Variants in USP31 observed in about 807,000 individuals in gnomAD.
USP31 encodes ubiquitin carboxyl-terminal hydrolase 31.
A neutral mutation model predicts 119.4 loss-of-function variants in USP31; 44 were observed. The ratio of observed to expected loss-of-function variants is 0.37; its 90% CI spans 0.29 to 0.47. USP31 has a LOEUF of 0.47. Ranked by LOEUF, USP31 falls within the 20% of genes least tolerant of loss-of-function variation. The probability of loss-of-function intolerance (pLI) is 0.99; values close to 1 mark genes in which losing one functional copy is unlikely to be tolerated. For missense variants in USP31, 1,643 were observed against 1,730.2 expected (o/e 0.95, Z 0.89); for synonymous variants, 749 against 705.6 (o/e 1.06, Z -0.97).
intron 4 of USP31, 22 bp from the exon 5 acceptor site, chr16:23,105,598 C>T: frequency 6.5e-7 from 1 of 1,529,944 alleles, no homozygotes; most frequent in Non-Finnish European, 8.8e-7. Context: ...AAAGTCAGAT[C>T]TTCTCATTAG....
chr16:23,093,965 G>C lies in USP31; in HGVS notation c.1235-3161C>G, dbSNP rs570378738. Among the ~76,000 whole-genome samples the C allele has an allele frequency of 5.3e-5, 8 of 152,346 alleles. No homozygotes were observed. The East Asian group carries it at 1.5e-3, about 29-fold the overall frequency. On this transcript the variant is annotated intron_variant, in intron 6 of 15. Coordinates refer to ENST00000219689, the MANE Select transcript of USP31 (RefSeq NM_020718.4). Reference sequence around the variant, plus strand: ...ATGGGTGATTTCTGCGTTTCCAACTGAGGTACCTGGTTCATCTCATTGGGA... The same window carrying C: ...ATGGGTGATTTCTGCGTTTCCAACTCAGGTACCTGGTTCATCTCATTGGGA...
intron 1 of USP31, among the ~76,000 whole-genome samples, chr16:23,114,192 G>C (rs1902414652): frequency 6.6e-6 from 1 of 152,154 alleles, no homozygotes; most frequent in Non-Finnish European, 1.5e-5. Flanking sequence ...TTAAACAGAA[G>C]GTCGGTAGGA....
At position 23,109,212 on chromosome 16, in the gene USP31, C is replaced by A. The variant is rs115752582; in HGVS notation, c.634-1029G>T. 9.0e-3 allele frequency among the ~76,000 whole-genome samples: 1,376 copies of A among 152,276 alleles called. 30 individuals are homozygous for A. The highest frequency in any genetic ancestry group is 0.031 in the African/African-American group (1,281 of 41,552). Reference sequence around the variant, plus strand: ...ACTGAAAGGCGAAGAAGTAGTGACACCCCAGTAACAACGTGCACATCCAGT... The same window carrying A: ...ACTGAAAGGCGAAGAAGTAGTGACAACCCAGTAACAACGTGCACATCCAGT... On this transcript the variant is annotated intron_variant, in intron 1 of 15. Transcript: ENST00000219689.
intron 1 of USP31, among the ~76,000 whole-genome samples, chr16:23,108,856 CT>C (rs1158072790): frequency 6.6e-6 from 1 of 152,138 alleles, no homozygotes; most frequent in Non-Finnish European, 1.5e-5. Context: ...ATTTACATTG[CT>C]TTTGCTAAAA....
chr16:23,071,997 G>A (rs747434007), intron 15 of USP31, 48 bp downstream of exon 15: 6 of 1,578,944 alleles, frequency 3.8e-6, no homozygotes, highest in Non-Finnish European at 5.2e-6. Flanking sequence ...ACTCTGCTGT[G>A]TCTGTGAGTT....
chr16:23,072,089 A>G lies in USP31; in HGVS notation c.2444T>C (p.Leu815Pro). ...ASSRRTSLASLSESVEMTGER... is the reference protein window; with the variant it reads ...ASSRRTSLASPSESVEMTGER... ...TCCAGTCATCTCCACGGACTCAGAG[A>G]GCGACGCCAGGGAGGTGCGTCTGGA... The change falls in exon 15 of 16, where the codon CTC (leucine) becomes CCC (proline). Residue 815 changes from leucine (L) to proline (P), a missense_variant. Coordinates refer to ENST00000219689, the MANE Select transcript of USP31 (RefSeq NM_020718.4). 2 of 1,613,750 alleles carry G rather than the reference A, an allele frequency of 1.2e-6. No individual in the cohort carries two copies. The highest frequency in any genetic ancestry group is 1.1e-5 in the South Asian group (1 of 91,074).
In USP31 at chr16:23,143,588, G is replaced by T. The variant is rs115454663; in HGVS notation, c.633+5050C>A. Reference sequence around the variant, plus strand: ...GGAGAAAGAGAGAGGGAGAGGTTGGGGGGGGGGAGAGAGAGAGAAAGAGAG... The same window carrying T: ...GGAGAAAGAGAGAGGGAGAGGTTGGTGGGGGGGAGAGAGAGAGAAAGAGAG... On this transcript the variant is annotated intron_variant, in intron 1 of 15. Transcript: ENST00000219689. Among the ~76,000 whole-genome samples, 767 of 151,106 alleles carry T rather than the reference G, an allele frequency of 5.1e-3. 5 individuals carry two copies. Among genetic ancestry groups the T allele is most frequent in the African/African-American group, 0.018 (725 of 41,208 alleles).
At chr16:23,097,442 A>G (rs2141861585) in intron 6 of USP31, among the ~76,000 whole-genome samples, 1 of 152,338 alleles carries the variant, frequency 6.6e-6, no homozygotes, top group South Asian at 2.1e-4. Context: ...TCCAATCAAC[A>G]GAAAAAGAGG....
At chr16:23,070,772 C>T (rs1033019728) in intron 15 of USP31, among the ~76,000 whole-genome samples, 1 of 151,114 alleles carries the variant, frequency 6.6e-6, no homozygotes, top group Admixed American at 6.6e-5. Context: ...TGGCTCAAAA[C>T]GTCCTAAGAA....
rs1459809619 is a variant in USP31, at chr16:23,068,355, G to A, written c.3750C>T (p.Leu1250=). 6.2e-7 allele frequency: 1 copy of A among 1,614,188 alleles called. No homozygotes were observed. Residue 1250 remains leucine (L), a synonymous_variant, in exon 16 of 16, where the codon CTC becomes CTT. Transcript: ENST00000219689. ...CAGAGCTCCCACCAGCCTTTTTAGA[G>A]AGCAAGGCTGTCTTGCCAAGATCCG... ...RSTDLGKTAL[L]SKKAGGSSVK...
chr16:23,087,741 G>T lies in USP31; in HGVS notation c.1510C>A (p.Pro504Thr). The T allele has an allele frequency of 1.9e-6, 3 of 1,614,040 alleles. No homozygotes were observed. Among genetic ancestry groups the T allele is most frequent in the Non-Finnish European group, 2.5e-6 (3 of 1,179,994 alleles). Reference sequence around the variant, plus strand: ...TTACAAACCTGAATGCAAACCGTGGGCCTCAAGAAATACTTCATCTTCTCC... The same window carrying T: ...TTACAAACCTGAATGCAAACCGTGGTCCTCAAGAAATACTTCATCTTCTCC... The part of the protein sequence containing the change: ...ILEKMKYFLR[P>T]TVCIQVCPFS... Residue 504 changes from proline (P) to threonine (T), a missense_variant, in exon 8 of 16, where the codon CCC becomes ACC. Around this residue, in one of 5 missense-constraint regions of USP31, gnomAD observed 219 missense variants for 226.4 expected, o/e 0.97. Transcript: ENST00000219689.
chr16:23,075,543 C>A (rs548010378), intron 13 of USP31, among the ~76,000 whole-genome samples: 2 of 152,124 alleles, frequency 1.3e-5, no homozygotes, highest in African/African-American at 4.8e-5. Context: ...CGAGCCCACA[C>A]GAGAGAAGCA....
Position 23,066,597 on chromosome 16 carries a change from A to T in USP31, c.*1449T>A, listed in dbSNP as rs923559325. The T allele has an allele frequency of 1.3e-5, 2 of 152,170 alleles. No homozygotes were observed. The highest frequency in any genetic ancestry group is 2.4e-5 in the African/African-American group (1 of 41,432). The allele number at this position is 152,170 out of a possible 1,614,324, so 9.4% of individuals were successfully genotyped here. Reference sequence around the variant, plus strand: ...AAAGCACATAAACTTAGCATGCTGTATTTACTGGCAAAGTGACAAATGCTA... The same window carrying T: ...AAAGCACATAAACTTAGCATGCTGTTTTTACTGGCAAAGTGACAAATGCTA... On this transcript the variant is annotated 3_prime_UTR_variant, in exon 16 of 16. Coordinates refer to ENST00000219689, the MANE Select transcript of USP31 (RefSeq NM_020718.4).
rs150893487 is a variant in USP31 at position 23,065,678 on chromosome 16, G to A, written c.*2368C>T. 3.1e-3 allele frequency: 472 copies of A among 152,184 alleles called. 5 individuals are homozygous for A. Among genetic ancestry groups the A allele is most frequent in the East Asian group, 0.028 (147 of 5,184 alleles). 9.4% of individuals were successfully genotyped at this position (152,184 alleles called of 1,614,324 possible). A position where few individuals can be genotyped will look rare whatever the true frequency, so the allele number is the denominator to read the frequency against. On this transcript the variant is annotated 3_prime_UTR_variant, in exon 16 of 16. Coordinates refer to ENST00000219689, the MANE Select transcript of USP31 (RefSeq NM_020718.4). ...TTCCAGATCCCATGGAAAACCAAAGGGATTTGTAGAAACGTTTTTCCTTTT... is the reference window on the plus strand; with the variant it reads ...TTCCAGATCCCATGGAAAACCAAAGAGATTTGTAGAAACGTTTTTCCTTTT...
chr16:23,087,930 T>A (rs961451015), intron 7 of USP31, 95 bp from the exon 8 acceptor site: 15 of 1,090,730 alleles, frequency 1.4e-5, no homozygotes, highest in East Asian at 2.5e-5. Context: ...GGAATCACAA[T>A]ATAATTGGCT....
chr16:23,111,146 A>G lies in USP31; in HGVS notation c.634-2963T>C, dbSNP rs186897071. Among the ~76,000 whole-genome samples, 26 of 152,078 alleles carry G rather than the reference A, an allele frequency of 1.7e-4. No homozygotes were observed. The East Asian group carries it at 4.8e-3, about 28-fold the overall frequency. On this transcript the variant is annotated intron_variant, in intron 1 of 15. Transcript: ENST00000219689. ...CCGTCTCAAAAATAAATAAATAAAT[A>G]ATTAATTAAATAAAAATAAAAAAGA...
At chr16:23,122,816 A>G (rs912384625) in intron 1 of USP31, among the ~76,000 whole-genome samples, 1 of 152,156 alleles carries the variant, frequency 6.6e-6, no homozygotes, top group African/African-American at 2.4e-5. Flanking sequence ...GTGACTGCTA[A>G]TGAGTATGGG....
chr16:23,095,633 G>A lies in USP31; in HGVS notation c.1235-4829C>T, dbSNP rs531672340. On this transcript the variant is annotated intron_variant, in intron 6 of 15. Transcript: ENST00000219689. ...GTTACCCACAAAGGGAAGCCCATCA[G>A]ACTAACAGCAGATCGCTCTGCAGAA... is the stretch of plus-strand genomic sequence containing the variant. 5.3e-5 allele frequency among the ~76,000 whole-genome samples: 8 copies of A among 152,340 alleles called. No individual in the cohort carries two copies. In the South Asian group the frequency reaches 1.7e-3, roughly 32 times the overall value.
chr16:23,102,609 G>C (rs1901929080), intron 5 of USP31, 146 bp from the exon 6 acceptor site: 1 of 841,240 alleles, frequency 1.2e-6, no homozygotes, highest in African/African-American at 1.7e-5. Flanking sequence ...CCTTTAATGA[G>C]AGAATCCTGG....
Sources: allele counts gnomAD v4.1 joint callset (sites outside exome capture counted in the v4.1 genomes callset), GRCh38; gene constraint gnomAD v4.1.1; regional missense constraint gnomAD v4.1.1; transcripts MANE v1.5; gene names NCBI Gene and HGNC (gene_info 2026-07-23, HGNC 2026-07-21).